The following SEMA5A variants were observed in gnomAD, a reference collection of about 807,000 sequenced individuals.
The protein encoded by SEMA5A is semaphorin 5A, also known as semaphorin-5A.
A neutral mutation model predicts 135.5 loss-of-function variants in SEMA5A; 55 were observed. That is an observed-to-expected ratio of 0.41 (90% confidence interval 0.33 to 0.51). The LOEUF (loss-of-function observed/expected upper bound fraction) is 0.51. SEMA5A is among the 20% of genes least tolerant of loss of function. The pLI is 0.37. For missense variants in SEMA5A, 1,290 were observed against 1,419.9 expected (o/e 0.91, Z 1.47); for synonymous variants, 580 against 546.5 (o/e 1.06, Z -0.85).
chr5:9,301,548 CCTT>C (rs1442228768), intron 5 of SEMA5A, among the ~76,000 whole-genome samples: 3 of 152,108 alleles, frequency 2.0e-5, no homozygotes, highest in African/African-American at 7.2e-5. Flanking sequence ...CTCTGTTGGG[CCTT>C]CTTCTTGGAA....
chr5:9,128,517 A>C (rs1159545723), intron 13 of SEMA5A, among the ~76,000 whole-genome samples: 2 of 152,182 alleles, frequency 1.3e-5, no homozygotes, highest in East Asian at 3.9e-4. Flanking sequence ...GGAATCAAAG[A>C]CTTGCTCATC....
intron 1 of SEMA5A, among the ~76,000 whole-genome samples, chr5:9,492,104 G>A (rs1478135990): frequency 6.6e-6 from 1 of 152,166 alleles, no homozygotes; most frequent in African/African-American, 2.4e-5. Flanking sequence ...TCTTGGAACT[G>A]CGGACCCATC....
At chr5:9,375,865 G>C (rs1755343148) in intron 3 of SEMA5A, among the ~76,000 whole-genome samples, 1 of 151,700 alleles carries the variant, frequency 6.6e-6, no homozygotes, top group Non-Finnish European at 1.5e-5. Context: ...CCCTCAACTA[G>C]ATAATTCCAT....
intron 3 of SEMA5A, among the ~76,000 whole-genome samples, chr5:9,356,823 G>A (rs558428999): frequency 6.6e-6 from 1 of 152,292 alleles, no homozygotes; most frequent in East Asian, 1.9e-4. Flanking sequence ...AAATAAAGCA[G>A]TTATTGTCTA....
At chr5:9,299,621 T>C (rs1416051022) in intron 5 of SEMA5A, among the ~76,000 whole-genome samples, 3 of 152,160 alleles carry the variant, frequency 2.0e-5, no homozygotes, top group African/African-American at 7.2e-5. Context: ...GGCTCAGATG[T>C]CAACTTTAAG....
chr5:9,136,727 C>T (rs1741779641), intron 12 of SEMA5A, 106 bp from the exon 13 acceptor site: 3 of 868,120 alleles, frequency 3.5e-6, no homozygotes, highest in South Asian at 1.5e-5. Context: ...GGATTTCTTA[C>T]ATATGAAGCC....
At chr5:9,527,734 ACTATTG>A (rs1239693638) in intron 1 of SEMA5A, among the ~76,000 whole-genome samples, 2 of 152,158 alleles carry the variant, frequency 1.3e-5, no homozygotes, top group African/African-American at 4.8e-5. Flanking sequence ...TGAGGTAGGA[ACTATTG>A]CTATCATTTT....
At chr5:9,199,289 T>A (rs1745577804) in intron 9 of SEMA5A, among the ~76,000 whole-genome samples, 1 of 152,100 alleles carries the variant, frequency 6.6e-6, no homozygotes, top group African/African-American at 2.4e-5. Flanking sequence ...CTTCTTCCTG[T>A]CCCCTGTGCC....
chr5:9,531,539 A>G (rs1001630300), intron 1 of SEMA5A, among the ~76,000 whole-genome samples: 2 of 152,042 alleles, frequency 1.3e-5, no homozygotes, highest in African/African-American at 4.8e-5. Flanking sequence ...TCTGTCATTC[A>G]CTGTCCCACA....
intron 2 of SEMA5A, among the ~76,000 whole-genome samples, chr5:9,433,615 C>G: frequency 7.0e-6 from 1 of 142,516 alleles, no homozygotes; most frequent in Non-Finnish European, 1.5e-5. Flanking sequence ...TTCCCTTCCT[C>G]CTTTCTCTCT....
intron 1 of SEMA5A, among the ~76,000 whole-genome samples, chr5:9,452,007 T>A (rs1359137820): frequency 6.6e-6 from 1 of 152,232 alleles, no homozygotes; most frequent in South Asian, 2.1e-4. Context: ...ACACTTAATC[T>A]GCCTGATGTT....
At chr5:9,338,553 C>A (rs1161726462) in intron 3 of SEMA5A, among the ~76,000 whole-genome samples, 1 of 152,174 alleles carries the variant, frequency 6.6e-6, no homozygotes, top group African/African-American at 2.4e-5. Flanking sequence ...TTGCAACTTT[C>A]ATTAGCTCAT....
Position 9,384,675 on chromosome 5 carries a change from T to TAG in SEMA5A, c.-77-4653_-77-4652insCT, listed in dbSNP as rs70943959. On this transcript the variant is annotated intron_variant, in intron 2 of 22. Transcript: ENST00000382496. ...AGATAGATAGATATAGATAGATAGATATAGATAGATAGATAGATAGATAGA... is the reference window on the plus strand; with the variant it reads ...AGATAGATAGATATAGATAGATAGATAGATAGATAGATAGATAGATAGATAGA... Among the ~76,000 whole-genome samples, 247 of 64,158 alleles carry TAG rather than the reference T, an allele frequency of 3.8e-3. 7 individuals are homozygous for TAG. The highest frequency in any genetic ancestry group is 6.6e-3 in the Middle Eastern group (1 of 152). The allele number at this position is 64,158 out of a possible 152,430, so 42.1% of individuals were successfully genotyped here. A position where few individuals can be genotyped will look rare whatever the true frequency, so the allele number is the denominator to read the frequency against.
At chr5:9,394,034 A>C (rs1756281699) in intron 2 of SEMA5A, among the ~76,000 whole-genome samples, 1 of 152,220 alleles carries the variant, frequency 6.6e-6, no homozygotes, top group Non-Finnish European at 1.5e-5. Flanking sequence ...CCAATAAAAA[A>C]ACAAGCACAA....
chr5:9,172,084 C>T (rs1435709054), intron 11 of SEMA5A, among the ~76,000 whole-genome samples: 3 of 152,062 alleles, frequency 2.0e-5, no homozygotes, highest in Admixed American at 2.0e-4. Flanking sequence ...TGGAAAACTC[C>T]AGAATCTAGG....
intron 5 of SEMA5A, among the ~76,000 whole-genome samples, chr5:9,318,145 C>T (rs368455187): frequency 1.8e-4 from 28 of 152,210 alleles, no homozygotes; most frequent in African/African-American, 6.5e-4. Context: ...ATCACATCCA[C>T]GGAACAAACA....
At chr5:9,056,641 G>T (rs1187941442) in intron 18 of SEMA5A, among the ~76,000 whole-genome samples, 1 of 152,210 alleles carries the variant, frequency 6.6e-6, no homozygotes, top group Middle Eastern at 3.2e-3. Flanking sequence ...AGAATCGCAG[G>T]AACCTGTGAG....
At chr5:9,103,527 A>G (rs1442997864) in intron 16 of SEMA5A, among the ~76,000 whole-genome samples, 1 of 152,046 alleles carries the variant, frequency 6.6e-6, no homozygotes. Flanking sequence ...GTTCTTTTGT[A>G]TCTAGGAAAT....
chr5:9,515,364 C>T (rs1380375380), intron 1 of SEMA5A, among the ~76,000 whole-genome samples: 5 of 152,128 alleles, frequency 3.3e-5, no homozygotes, highest in Non-Finnish European at 4.4e-5. Context: ...AGGCAGGGAC[C>T]ATCTCTAGTT....
Sources: gnomAD v4.1 joint callset for allele counts (sites outside exome capture counted in the v4.1 genomes callset) on GRCh38, gnomAD v4.1.1 for gene constraint, MANE v1.5 for transcripts, NCBI Gene and HGNC (gene_info 2026-07-23, HGNC 2026-07-21) for gene names.